Variants in RPTOR observed in about 807,000 individuals in gnomAD.
The protein encoded by RPTOR is regulatory associated protein of MTOR complex 1.
Under a neutral mutation model 169.9 loss-of-function variants are expected in RPTOR, and 21 were observed. That is an observed-to-expected ratio of 0.12 (90% CI 0.09 to 0.18). The LOEUF is 0.18. RPTOR is among the 10% of genes least tolerant of loss of function. The probability of loss-of-function intolerance (pLI) is 1.00; values close to 1 mark genes in which losing one functional copy is unlikely to be tolerated. For missense variants in RPTOR, 1,133 were observed against 1,855.9 expected (o/e 0.61, Z 7.16); for synonymous variants, 732 against 753.2 (o/e 0.97, Z 0.46).
chr17:80,907,162 C>T (rs999644564), intron 20 of RPTOR, among the ~76,000 whole-genome samples: 8 of 152,240 alleles, frequency 5.3e-5, no homozygotes, highest in South Asian at 2.1e-4. Flanking sequence ...CACTGGCTTT[C>T]GATGCTTCAG....
intron 9 of RPTOR, 134 bp from the exon 10 acceptor site, chr17:80,837,788 C>T (rs2067581077): frequency 2.5e-6 from 2 of 788,558 alleles, no homozygotes; most frequent in Non-Finnish European, 4.3e-6. Flanking sequence ...TAAACATGCC[C>T]CCCACCAGCT....
chr17:80,833,467 C>T (rs1817824382), intron 9 of RPTOR, among the ~76,000 whole-genome samples: 2 of 152,218 alleles, frequency 1.3e-5, no homozygotes, highest in Admixed American at 1.3e-4. Flanking sequence ...CGGTCCCCTC[C>T]CACCTTCTGC....
chr17:80,710,596 T>TGTGC (rs2066181232), intron 4 of RPTOR, among the ~76,000 whole-genome samples: 1 of 151,906 alleles, frequency 6.6e-6, no homozygotes, highest in South Asian at 2.1e-4. Context: ...TGTGTGTGTG[T>TGTGC]GTGTGTGTGT....
Position 80,730,754 on chromosome 17 carries a change from T to TTGTTG in RPTOR, c.654+48_654+49insTGTTG. 4 of 721,644 alleles carry TTGTTG rather than the reference T, an allele frequency of 5.5e-6. No homozygotes were observed. The highest frequency in any genetic ancestry group is 6.6e-6 in the Non-Finnish European group (3 of 457,692). 44.7% of individuals were successfully genotyped at this position (721,644 alleles called of 1,614,324 possible). On this transcript the variant is annotated intron_variant, in intron 5 of 33. Coordinates refer to ENST00000306801, the MANE Select transcript of RPTOR (RefSeq NM_020761.3). This position sits in a 1 kb window ranked among gnomAD's most constrained non-coding sequence, Gnocchi z 4.2. ...AGCGGTGCTGGGTTTGGTTTTGTTT[T>TTGTTG]CCCTGGGGGTGGGGTTTGGGTGGGG... is the stretch of plus-strand genomic sequence containing the variant.
rs1187359787 is a variant in RPTOR at position 80,845,963 on chromosome 17, C to T, written c.1213-510C>T. Reference sequence around the variant, plus strand: ...TCCACTGCCGGGCCCTCACCGGCCCCAGCGCGGCCCCAGCTCATCTCCTTG... The same window carrying T: ...TCCACTGCCGGGCCCTCACCGGCCCTAGCGCGGCCCCAGCTCATCTCCTTG... On this transcript the variant is annotated intron_variant, in intron 10 of 33. Transcript: ENST00000306801. The surrounding 1 kb of genome is among the most constrained non-coding windows in gnomAD (Gnocchi z 5.4). Among the ~76,000 whole-genome samples the T allele has an allele frequency of 6.6e-6, 1 of 152,220 alleles. No homozygotes were observed. The highest frequency in any genetic ancestry group is 2.4e-5 in the African/African-American group (1 of 41,450).
chr17:80,664,597 C>T lies in RPTOR; in HGVS notation c.348+20787C>T, dbSNP rs566211101. On this transcript the variant is annotated intron_variant, in intron 3 of 33. Transcript: ENST00000306801. ...CCTCTCTTTCCACCTCCTCCTCCGT[C>T]CCTGCTGGTCTCCTAAGAAGCACTT... Among the ~76,000 whole-genome samples the T allele has an allele frequency of 2.6e-5, 4 of 152,268 alleles. No individual in the cohort carries two copies. In the East Asian group the frequency reaches 7.7e-4, roughly 29 times the overall value.
intron 1 of RPTOR, among the ~76,000 whole-genome samples, chr17:80,553,360 CG>C (rs2084368526): frequency 6.6e-6 from 1 of 152,188 alleles, no homozygotes; most frequent in African/African-American, 2.4e-5. Context: ...CCTGTGTCCA[CG>C]GCAGACGTGT....
intron 4 of RPTOR, among the ~76,000 whole-genome samples, chr17:80,724,256 G>A (rs2066311180): frequency 6.6e-6 from 1 of 151,190 alleles, no homozygotes; most frequent in Admixed American, 6.5e-5. Context: ...CCTGTTAAGT[G>A]AGAAGCCAGG....
chr17:80,809,827 A>G (rs1225940964), intron 7 of RPTOR, among the ~76,000 whole-genome samples: 2 of 152,158 alleles, frequency 1.3e-5, no homozygotes, highest in Non-Finnish European at 2.9e-5. Flanking sequence ...TCACAAGGTC[A>G]GGAGATCGAG....
At chr17:80,600,469 C>A (rs188935578) in intron 1 of RPTOR, among the ~76,000 whole-genome samples, 1 of 152,148 alleles carries the variant, frequency 6.6e-6, no homozygotes, top group Non-Finnish European at 1.5e-5. Flanking sequence ...GAGCTGAGAT[C>A]CCAGAAAACA....
intron 13 of RPTOR, among the ~76,000 whole-genome samples, chr17:80,867,202 T>G (rs2068003084): frequency 6.6e-6 from 1 of 152,120 alleles, no homozygotes; most frequent in South Asian, 2.1e-4. Flanking sequence ...TGTTTAAGGA[T>G]TGAAAAATCA....
chr17:80,834,595 G>C (rs1180277064), intron 9 of RPTOR, among the ~76,000 whole-genome samples: 1 of 152,176 alleles, frequency 6.6e-6, no homozygotes, highest in African/African-American at 2.4e-5. Context: ...AGCCTTTTAG[G>C]AGCACATGTC....
At chr17:80,850,487 C>T (rs1040127) in intron 11 of RPTOR, among the ~76,000 whole-genome samples, 16,209 of 152,138 alleles carry the variant, frequency 0.11, 910 homozygotes, top group Middle Eastern at 0.13. Context: ...TCACTGCAGC[C>T]GGAGCTCCGC....
intron 1 of RPTOR, among the ~76,000 whole-genome samples, chr17:80,590,849 A>T (rs116359089): frequency 6.7e-6 from 1 of 149,028 alleles, no homozygotes; most frequent in East Asian, 2.0e-4. Context: ...GTGTTTTTCT[A>T]TTTTTTTTCT....
intron 25 of RPTOR, among the ~76,000 whole-genome samples, chr17:80,943,629 G>A (rs1355536885): frequency 6.6e-6 from 1 of 151,900 alleles, no homozygotes; most frequent in African/African-American, 2.4e-5. Flanking sequence ...TTTATACTTG[G>A]CTATCTCACT....
chr17:80,873,007 A>G (rs1471401673), intron 13 of RPTOR, among the ~76,000 whole-genome samples: 1 of 151,778 alleles, frequency 6.6e-6, no homozygotes, highest in Non-Finnish European at 1.5e-5. Context: ...CCCGGGGGGG[A>G]CCCCCAGCCT....
At chr17:80,738,299 T>C (rs1446730663) in intron 5 of RPTOR, among the ~76,000 whole-genome samples, 1 of 152,240 alleles carries the variant, frequency 6.6e-6, no homozygotes, top group East Asian at 1.9e-4. Flanking sequence ...CATCCATCTT[T>C]AGTCTGCGCA....
At chr17:80,872,978 C>T (rs1455967086) in intron 13 of RPTOR, among the ~76,000 whole-genome samples, 3 of 152,216 alleles carry the variant, frequency 2.0e-5, no homozygotes, top group East Asian at 3.9e-4. Context: ...TAGAGCGGGC[C>T]CCCCACCACT....
intron 28 of RPTOR, among the ~76,000 whole-genome samples, chr17:80,951,532 G>T (rs1393991896): frequency 6.6e-6 from 1 of 152,232 alleles, no homozygotes; most frequent in African/African-American, 2.4e-5. Context: ...TGTGCCAGCT[G>T]TGGGCTGGGG....
Sources: allele counts gnomAD v4.1 joint callset (sites outside exome capture counted in the v4.1 genomes callset), GRCh38; gene constraint gnomAD v4.1.1; non-coding constraint Gnocchi (gnomAD v3.1); transcripts MANE v1.5; gene names NCBI Gene and HGNC (gene_info 2026-07-23, HGNC 2026-07-21).